The following TAFA1 variants were observed in gnomAD, a reference collection of about 807,000 sequenced individuals.
TAFA1 encodes the protein chemokine-like protein TAFA-1.
Under a neutral mutation model 18.5 loss-of-function variants are expected in TAFA1, and 4 were observed. The ratio of observed to expected loss-of-function variants is 0.22; its 90% confidence interval spans 0.11 to 0.49. TAFA1 has a LOEUF of 0.49. TAFA1 is among the 20% of genes least tolerant of loss of function. The pLI, the probability that TAFA1 is intolerant of heterozygous loss-of-function variation, is 0.98. For synonymous variants in TAFA1, 56 were observed against 55.2 expected (o/e 1.01, Z -0.06); for missense variants, 147 against 169.0 (o/e 0.87, Z 0.72).
At chr3:68,237,744 G>T (rs543944011) in intron 2 of TAFA1, among the ~76,000 whole-genome samples, 1 of 152,156 alleles carries the variant, frequency 6.6e-6, no homozygotes, top group African/African-American at 2.4e-5. Flanking sequence ...ATTCAAAGAT[G>T]TTGAGTTGGT....
At chr3:68,127,777 A>G (rs905732002) in intron 2 of TAFA1, among the ~76,000 whole-genome samples, 43 of 89,242 alleles carry the variant, frequency 4.8e-4, no homozygotes, top group South Asian at 2.2e-3. Context: ...GGCAGTGGTG[A>G]TGGTGGTGGT....
chr3:68,096,391 G>T (rs1215476288), intron 2 of TAFA1, among the ~76,000 whole-genome samples: 3 of 151,934 alleles, frequency 2.0e-5, no homozygotes, highest in South Asian at 2.1e-4. Flanking sequence ...TTTAATCCTG[G>T]CAAAATTGCC....
intron 3 of TAFA1, among the ~76,000 whole-genome samples, chr3:68,522,114 T>A (rs987860332): frequency 6.6e-6 from 1 of 152,088 alleles, no homozygotes; most frequent in Non-Finnish European, 1.5e-5. Context: ...CCCAAAGTAC[T>A]TGGATTCCAG....
intron 3 of TAFA1, among the ~76,000 whole-genome samples, chr3:68,460,154 A>C (rs771844691): frequency 1.3e-5 from 2 of 152,172 alleles, no homozygotes; most frequent in Non-Finnish European, 2.9e-5. Context: ...AACAGCAAAA[A>C]TTTAGCTGAA....
At chr3:68,375,429 A>C (rs189029566) in intron 2 of TAFA1, among the ~76,000 whole-genome samples, 42 of 152,336 alleles carry the variant, frequency 2.8e-4, no homozygotes, top group African/African-American at 8.9e-4. Flanking sequence ...ACATATTGGC[A>C]TACTTACTCC....
chr3:68,450,558 C>T (rs1437956282), intron 3 of TAFA1, among the ~76,000 whole-genome samples: 1 of 152,110 alleles, frequency 6.6e-6, no homozygotes, highest in African/African-American at 2.4e-5. Flanking sequence ...GATCAGATCC[C>T]ATTAAAAGGA....
At chr3:68,136,819 A>C (rs1415627517) in intron 2 of TAFA1, among the ~76,000 whole-genome samples, 1 of 152,184 alleles carries the variant, frequency 6.6e-6, no homozygotes, top group Non-Finnish European at 1.5e-5. Context: ...ATCAGTGTAC[A>C]TCTTGGAGAG....
At chr3:68,363,212 A>T (rs1384780086) in intron 2 of TAFA1, among the ~76,000 whole-genome samples, 1 of 152,052 alleles carries the variant, frequency 6.6e-6, no homozygotes, top group Non-Finnish European at 1.5e-5. Context: ...AACATTTGTT[A>T]ATTTGGGAAG....
the TAFA1 span, among the ~76,000 whole-genome samples, chr3:67,999,164 A>C: frequency 6.6e-6 from 1 of 152,322 alleles, no homozygotes; most frequent in Middle Eastern, 3.4e-3. Context: ...TAATAGCTAC[A>C]TGTCAATAGT....
chr3:68,476,428 C>T (rs1030963711), intron 3 of TAFA1, among the ~76,000 whole-genome samples: 1 of 152,140 alleles, frequency 6.6e-6, no homozygotes, highest in African/African-American at 2.4e-5. Flanking sequence ...TTTAAAAATG[C>T]AGAGATGACA....
chr3:68,491,287 C>A (rs986316403), intron 3 of TAFA1, among the ~76,000 whole-genome samples: 3 of 152,008 alleles, frequency 2.0e-5, no homozygotes, highest in African/African-American at 7.3e-5. Context: ...TTGGAACCAA[C>A]CCAAATGTCC....
intron 2 of TAFA1, among the ~76,000 whole-genome samples, chr3:68,148,303 A>T (rs757253341): frequency 6.6e-6 from 1 of 152,242 alleles, no homozygotes; most frequent in Non-Finnish European, 1.5e-5. Flanking sequence ...TGTATTTTGC[A>T]AGAAGCCTTA....
intron 2 of TAFA1, among the ~76,000 whole-genome samples, chr3:68,372,881 G>A (rs1324891878): frequency 6.6e-6 from 1 of 152,176 alleles, no homozygotes; most frequent in Non-Finnish European, 1.5e-5. Context: ...TACAGGTTGT[G>A]GAAGCATGAG....
chr3:68,483,019 C>T (rs1321082911), intron 3 of TAFA1, among the ~76,000 whole-genome samples: 2 of 152,162 alleles, frequency 1.3e-5, no homozygotes. Context: ...TTGCAATCAA[C>T]ATAGGTCTTT....
chr3:68,451,434 A>T (rs1361949914), intron 3 of TAFA1, among the ~76,000 whole-genome samples: 1 of 152,210 alleles, frequency 6.6e-6, no homozygotes, highest in East Asian at 1.9e-4. Context: ...GGAATGCAAG[A>T]CAAAGTAAAC....
intron 3 of TAFA1, among the ~76,000 whole-genome samples, chr3:68,482,595 C>G (rs967822339): frequency 6.6e-6 from 1 of 152,194 alleles, no homozygotes; most frequent in East Asian, 1.9e-4. Context: ...TGCCACACAG[C>G]TTTCATTTCC....
intron 2 of TAFA1, among the ~76,000 whole-genome samples, chr3:68,121,177 C>CT (rs1559528027): frequency 2.6e-5 from 4 of 151,424 alleles, no homozygotes; most frequent in Non-Finnish European, 2.9e-5. Flanking sequence ...CTGAAAAATG[C>CT]TTTTTTATAA....
chr3:68,181,182 T>A (rs1333296799), intron 2 of TAFA1, among the ~76,000 whole-genome samples: 1 of 152,130 alleles, frequency 6.6e-6, no homozygotes, highest in Non-Finnish European at 1.5e-5. Context: ...GTTGCTGTCA[T>A]CTTGATTGCA....
At chr3:68,222,563 G>C (rs2066743884) in intron 2 of TAFA1, among the ~76,000 whole-genome samples, 1 of 152,064 alleles carries the variant, frequency 6.6e-6, no homozygotes, top group Non-Finnish European at 1.5e-5. Flanking sequence ...ATTTGTACAG[G>C]ATCTTTATTC....
Sources: allele counts gnomAD v4.1 joint callset (sites outside exome capture counted in the v4.1 genomes callset), GRCh38; gene constraint gnomAD v4.1.1; transcripts MANE v1.5; gene names NCBI Gene and HGNC (gene_info 2026-07-23, HGNC 2026-07-21).